Variants in PSMF1 observed in about 807,000 individuals in gnomAD.
The protein encoded by PSMF1 is proteasome inhibitor subunit 1.
Under a neutral mutation model 29.3 loss-of-function variants are expected in PSMF1, and 30 were observed. The ratio of observed to expected loss-of-function variants is 1.02; its 90% CI spans 0.77 to 1.39. The LOEUF (loss-of-function observed/expected upper bound fraction) is 1.39, where lower values mean the gene tolerates loss of function less well. PSMF1 is among the 40% of genes most tolerant of loss of function. PSMF1 has a pLI of 0.00. For synonymous variants in PSMF1, 134 were observed against 139.7 expected (o/e 0.96, Z 0.29); for missense variants, 344 against 357.5 (o/e 0.96, Z 0.31).
chr20:1,122,321 G>A (rs1002008770), intron 1 of PSMF1, among the ~76,000 whole-genome samples: 19 of 130,820 alleles, frequency 1.5e-4, no homozygotes, highest in African/African-American at 5.3e-4. Context: ...TTTTTAATCC[G>A]AGATGTCTCA....
At chr20:1,123,869 G>A (rs1486786416) in intron 1 of PSMF1, among the ~76,000 whole-genome samples, 1 of 152,152 alleles carries the variant, frequency 6.6e-6, no homozygotes, top group Non-Finnish European at 1.5e-5. Flanking sequence ...TAGAAAACTG[G>A]GTAATAACAG....
chr20:1,157,526 G>A (rs961342600), intron 4 of PSMF1, among the ~76,000 whole-genome samples: 2 of 152,124 alleles, frequency 1.3e-5, no homozygotes, highest in Admixed American at 6.5e-5. Flanking sequence ...CTGATACAAA[G>A]TCAGTAAACC....
chr20:1,140,700 A>G lies in PSMF1; in HGVS notation c.551+5394A>G, dbSNP rs968728965. Among the ~76,000 whole-genome samples, 5 of 152,262 alleles carry G rather than the reference A, an allele frequency of 3.3e-5. No individual in the cohort carries two copies. In the South Asian group the frequency reaches 1.0e-3, roughly 31 times the overall value. On this transcript the variant is annotated intron_variant, in intron 4 of 6. Transcript: ENST00000335877. The stretch of plus-strand genomic sequence containing the variant: ...GAATGGGAGAGAATATTTGCAAATC[A>G]GATATCTGACAAGAAGCTTGTATCC...
Position 1,165,350 on chromosome 20 carries a change from C to A in PSMF1, c.*270C>A. On this transcript the variant is annotated 3_prime_UTR_variant, in exon 7 of 7. Coordinates refer to ENST00000335877, the MANE Select transcript of PSMF1 (RefSeq NM_006814.5). ...TTCACCACCAGCTCCTCTCCACTTCCCAAGGGAGACTCCGGCAACCTTCAG... is the reference window on the plus strand; with the variant it reads ...TTCACCACCAGCTCCTCTCCACTTCACAAGGGAGACTCCGGCAACCTTCAG... 6 of 1,360,798 alleles carry A rather than the reference C, an allele frequency of 4.4e-6. No homozygotes were observed. Among genetic ancestry groups the A allele is most frequent in the Non-Finnish European group, 5.7e-6 (6 of 1,058,424 alleles). 84.3% of individuals were successfully genotyped at this position (1,360,798 alleles called of 1,614,324 possible).
chr20:1,121,038 C>A (rs1172604284), intron 1 of PSMF1, among the ~76,000 whole-genome samples: 1 of 152,158 alleles, frequency 6.6e-6, no homozygotes, highest in East Asian at 1.9e-4. Context: ...AAGTCGATAC[C>A]TTCTAGCTGG....
At chr20:1,161,574 G>A (rs1450476289) in intron 4 of PSMF1, 8 of 622,658 alleles carry the variant, frequency 1.3e-5, no homozygotes, top group Admixed American at 6.8e-5. Context: ...CTCCCAGAGC[G>A]CAAGTACTCC....
chr20:1,163,053 A>G lies in PSMF1; in HGVS notation c.552-77A>G, dbSNP rs2086685974. 3 of 1,510,370 alleles carry G rather than the reference A, an allele frequency of 2.0e-6. No homozygotes were observed. The South Asian group carries it at 3.4e-5, about 17-fold the overall frequency. The allele number at this position is 1,510,370 out of a possible 1,614,324, so 93.6% of individuals were successfully genotyped here. ...CATGCAAGGGTTTCCCATGCCTGTGAGTGTGTTTGTGATCCCACATGTATC... is the reference window on the plus strand; with the variant it reads ...CATGCAAGGGTTTCCCATGCCTGTGGGTGTGTTTGTGATCCCACATGTATC... On this transcript the variant is annotated intron_variant, in intron 4 of 6. Transcript: ENST00000335877. The surrounding 1 kb of genome is among the most constrained non-coding windows in gnomAD (Gnocchi z 6.1).
intron 4 of PSMF1, among the ~76,000 whole-genome samples, chr20:1,158,917 G>A (rs1057127237): frequency 4.6e-5 from 7 of 152,120 alleles, no homozygotes; most frequent in Non-Finnish European, 8.8e-5. Context: ...TTAGCCAGGC[G>A]TGGTGGCGCA....
chr20:1,143,631 C>T (rs1390612548), intron 4 of PSMF1, among the ~76,000 whole-genome samples: 1 of 152,178 alleles, frequency 6.6e-6, no homozygotes, highest in African/African-American at 2.4e-5. Flanking sequence ...AATTGGACTT[C>T]ATTGAAATTT....
rs769891929 is a variant in PSMF1 at position 1,164,282 on chromosome 20, C to T, written c.606-36C>T. 14 of 1,586,226 alleles carry T rather than the reference C, an allele frequency of 8.8e-6. No homozygotes were observed. The highest frequency in any genetic ancestry group is 1.2e-5 in the Non-Finnish European group (14 of 1,154,810). On this transcript the variant is annotated intron_variant, in intron 5 of 6. Coordinates refer to ENST00000335877, the MANE Select transcript of PSMF1 (RefSeq NM_006814.5). The surrounding 1 kb of genome is among the most constrained non-coding windows in gnomAD (Gnocchi z 4.1). ...GCCTTTTCTCCAAGGGCAGTCCTTG[C>T]CACACCTGCTTACCTAACTTTTCTT...
At position 1,165,368 on chromosome 20, in the gene PSMF1, A is replaced by C; in HGVS notation, c.*288A>C. The C allele has an allele frequency of 7.5e-7, 1 of 1,332,796 alleles. No homozygotes were observed. Among genetic ancestry groups the C allele is most frequent in the African/African-American group, 1.5e-5 (1 of 67,904 alleles). The allele number at this position is 1,332,796 out of a possible 1,614,324, so 82.6% of individuals were successfully genotyped here. A position where few individuals can be genotyped will look rare whatever the true frequency, so the allele number is the denominator to read the frequency against. Reference sequence around the variant, plus strand: ...CCACTTCCCAAGGGAGACTCCGGCAACCTTCAGCAACATATATCCTCGACC... The same window carrying C: ...CCACTTCCCAAGGGAGACTCCGGCACCCTTCAGCAACATATATCCTCGACC... On this transcript the variant is annotated 3_prime_UTR_variant, in exon 7 of 7. Transcript: ENST00000335877.
chr20:1,146,620 G>T (rs1165247630), intron 4 of PSMF1, among the ~76,000 whole-genome samples: 1 of 152,104 alleles, frequency 6.6e-6, no homozygotes, highest in Non-Finnish European at 1.5e-5. Context: ...GGAAGGACTT[G>T]GTTCCCTTCC....
At chr20:1,148,751 A>G (rs1219461480) in intron 4 of PSMF1, among the ~76,000 whole-genome samples, 1 of 152,188 alleles carries the variant, frequency 6.6e-6, no homozygotes, top group East Asian at 1.9e-4. Flanking sequence ...ATCCCTGTGT[A>G]TTAGGTTTTT....
At chr20:1,146,423 A>G (rs2086451081) in intron 4 of PSMF1, among the ~76,000 whole-genome samples, 1 of 152,130 alleles carries the variant, frequency 6.6e-6, no homozygotes, top group Admixed American at 6.5e-5. Context: ...ATCCTAGCAT[A>G]TACCAGCTGT....
At chr20:1,160,500 A>T (rs75662513) in intron 4 of PSMF1, 3,381 of 264,542 alleles carry the variant, frequency 0.013, 97 homozygotes, top group African/African-American at 0.066. Flanking sequence ...ATAGAGAGAT[A>T]TATAAGAGGG....
intron 4 of PSMF1, among the ~76,000 whole-genome samples, chr20:1,140,189 C>T (rs1259064520): frequency 6.6e-6 from 1 of 152,124 alleles, no homozygotes; most frequent in Non-Finnish European, 1.5e-5. Context: ...CTTCCAGATC[C>T]CTATTTCAAA....
At chr20:1,137,295 T>C (rs766299488) in intron 4 of PSMF1, among the ~76,000 whole-genome samples, 8 of 152,234 alleles carry the variant, frequency 5.3e-5, no homozygotes, top group Non-Finnish European at 8.8e-5. Flanking sequence ...TGAAATAATG[T>C]ACCTAGTCAC....
Position 1,166,889 on chromosome 20 carries a change from T to TA in PSMF1, c.*1810dup, listed in dbSNP as rs1200105743. 6.6e-6 allele frequency: 1 copy of TA among 152,358 alleles called. No homozygotes were observed. The highest frequency in any genetic ancestry group is 1.5e-5 in the Non-Finnish European group (1 of 68,192). The allele number at this position is 152,358 out of a possible 1,614,324, so 9.4% of individuals were successfully genotyped here. The stretch of plus-strand genomic sequence containing the variant: ...ATAAAAGGAAGTATTTAAAGGATGA[T>TA]AGAGACCATCAGATAGAAGCAGGGA... On this transcript the variant is annotated 3_prime_UTR_variant, in exon 7 of 7. Coordinates refer to ENST00000335877, the MANE Select transcript of PSMF1 (RefSeq NM_006814.5).
At position 1,166,085 on chromosome 20, in the gene PSMF1, T is replaced by A. The variant is rs2086726070; in HGVS notation, c.*1005T>A. The A allele has an allele frequency of 2.0e-5, 30 of 1,515,248 alleles. No homozygotes were observed. The South Asian group carries it at 3.5e-4, about 18-fold the overall frequency. The allele number at this position is 1,515,248 out of a possible 1,614,324, so 93.9% of individuals were successfully genotyped here. On this transcript the variant is annotated 3_prime_UTR_variant, in exon 7 of 7. Coordinates refer to ENST00000335877, the MANE Select transcript of PSMF1 (RefSeq NM_006814.5). ...GTGTGGTTCTTGCCTAACTCTGTGG[T>A]TTTTGGACCCCATGGGGCCCAGACA...
Sources: allele counts gnomAD v4.1 joint callset (sites outside exome capture counted in the v4.1 genomes callset), GRCh38; gene constraint gnomAD v4.1.1; non-coding constraint Gnocchi (gnomAD v3.1); transcripts MANE v1.5; gene names NCBI Gene and HGNC (gene_info 2026-07-23, HGNC 2026-07-21).